STK36: variants seen among roughly 807,000 people sequenced by gnomAD.
The protein encoded by STK36 is serine/threonine-protein kinase 36.
In STK36, 116 loss-of-function variants were observed where a neutral mutation model predicts 142.2. The observed-to-expected ratio is 0.82, with a 90% CI of 0.70 to 0.95. STK36 has a LOEUF of 0.95. STK36 is among the 40% of genes least tolerant of loss of function. The probability of loss-of-function intolerance (pLI) is 0.00; values close to 1 mark genes in which losing one functional copy is unlikely to be tolerated. For missense variants in STK36, 1,422 were observed against 1,617.2 expected (o/e 0.88, Z 2.07); for synonymous variants, 619 against 641.7 (o/e 0.96, Z 0.53).
Position 218,676,209 on chromosome 2 carries a change from C to T in STK36, c.615C>T (p.Ile205=), listed in dbSNP as rs944622003. ...CCCCTCCCTTCTATGCTACAAGCATCTTTCAGCTGGTCAGCCTCATTCTCA... is the reference window on the plus strand; with the variant it reads ...CCCCTCCCTTCTATGCTACAAGCATTTTTCAGCTGGTCAGCCTCATTCTCA... The part of the protein sequence containing the change: ...VGTPPFYATS[I]FQLVSLILKD... The change falls in exon 6 of 27, where the codon ATC becomes ATT. Residue 205 remains isoleucine, a synonymous_variant. Transcript: ENST00000295709. 5.0e-6 allele frequency: 8 copies of T among 1,614,046 alleles called. No individual in the cohort carries two copies. The highest frequency in any genetic ancestry group is 1.3e-5 in the African/African-American group (1 of 74,938).
chr2:218,682,480 A>C (rs1261235407), intron 10 of STK36, among the ~76,000 whole-genome samples: 2 of 152,232 alleles, frequency 1.3e-5, no homozygotes, highest in Non-Finnish European at 2.9e-5. Context: ...ATAATAGATT[A>C]ATTAAACTAA....
intron 14 of STK36, 37 bp downstream of exon 14, chr2:218,690,592 A>G (rs773647167): frequency 1.2e-4 from 187 of 1,511,428 alleles, no homozygotes; most frequent in Non-Finnish European, 1.6e-4. Flanking sequence ...TGTGTCTCCT[A>G]TCATTCTCCG....
chr2:218,686,361 G>A (rs1460384786), intron 11 of STK36, among the ~76,000 whole-genome samples: 1 of 152,120 alleles, frequency 6.6e-6, no homozygotes, highest in African/African-American at 2.4e-5. Context: ...TGGTTCAAGG[G>A]ATTCTCATGT....
At chr2:218,672,452 G>T in intron 1 of STK36, 1 of 291,590 alleles carries the variant, frequency 3.4e-6, no homozygotes. Context: ...CAGGAACTTG[G>T]GGGAGACTCA....
intron 2 of STK36, 194 bp downstream of exon 2, chr2:218,673,107 A>G (rs915293654): frequency 4.1e-5 from 22 of 534,438 alleles, no homozygotes; most frequent in African/African-American, 3.8e-5. Context: ...TTCTAGCCCT[A>G]GAATTATGGA....
At chr2:218,692,474 C>G in intron 15 of STK36, 109 bp from the exon 16 acceptor site, 1 of 1,509,288 alleles carries the variant, frequency 6.6e-7, no homozygotes, top group Non-Finnish European at 8.9e-7. Context: ...CTGCATTCTT[C>G]CCACTCCCTT....
At position 218,702,093 on chromosome 2, in the gene STK36, G is replaced by A; in HGVS notation, c.*84G>A. Reference sequence around the variant, plus strand: ...ACACAAGCCGCCAACTCAACTGAGAGCTAAAGAGACTAGAAAAGAGATAAG... The same window carrying A: ...ACACAAGCCGCCAACTCAACTGAGAACTAAAGAGACTAGAAAAGAGATAAG... On this transcript the variant is annotated 3_prime_UTR_variant, in exon 27 of 27. Coordinates refer to ENST00000295709, the MANE Select transcript of STK36 (RefSeq NM_015690.5). 6.6e-7 allele frequency: 1 copy of A among 1,520,108 alleles called. No homozygotes were observed. Among genetic ancestry groups the A allele is most frequent in the East Asian group, 2.3e-5 (1 of 43,866 alleles). 94.2% of individuals were successfully genotyped at this position (1,520,108 alleles called of 1,614,324 possible).
At chr2:218,689,028 G>A (rs1940891645) in intron 12 of STK36, 152 bp downstream of exon 12, 1 of 762,270 alleles carries the variant, frequency 1.3e-6, no homozygotes, top group Non-Finnish European at 2.0e-6. Context: ...AAACTCTAAT[G>A]CCTTCTGGGG....
chr2:218,689,999 C>T, intron 13 of STK36, 43 bp downstream of exon 13: 2 of 1,523,416 alleles, frequency 1.3e-6, no homozygotes, highest in East Asian at 2.4e-5. Flanking sequence ...AGTTTGGCTT[C>T]TGTTTCTACC....
intron 6 of STK36, among the ~76,000 whole-genome samples, chr2:218,678,246 A>G (rs1339205114): frequency 6.6e-6 from 1 of 152,130 alleles, no homozygotes; most frequent in Non-Finnish European, 1.5e-5. Flanking sequence ...CACTGCACCC[A>G]ACCTTCTTTT....
chr2:218,691,839 G>T (rs1047289971), intron 14 of STK36, among the ~76,000 whole-genome samples: 6 of 152,244 alleles, frequency 3.9e-5, no homozygotes, highest in Middle Eastern at 3.4e-3. Context: ...GGGATTACAG[G>T]CATGAGCCAT....
At position 218,702,031 on chromosome 2, in the gene STK36, C is replaced by G; in HGVS notation, c.*22C>G. The G allele has an allele frequency of 1.2e-6, 2 of 1,611,792 alleles. No individual in the cohort carries two copies. Among genetic ancestry groups the G allele is most frequent in the Non-Finnish European group, 1.7e-6 (2 of 1,178,718 alleles). On this transcript the variant is annotated 3_prime_UTR_variant, in exon 27 of 27. Transcript: ENST00000295709. ...GTGATTCCAGATTCCTGCGGTCCAG[C>G]CTCCAACTTTGGTTGCCAGCTCTTT...
At position 218,697,815 on chromosome 2, in the gene STK36, G is replaced by T. The variant is rs761719142; in HGVS notation, c.2910-39G>T. 39 of 1,613,776 alleles carry T rather than the reference G, an allele frequency of 2.4e-5. No homozygotes were observed. The South Asian group carries it at 4.2e-4, about 17-fold the overall frequency. ...GGGAGGGAGGAATGATAAAGGTTAA[G>T]TGAACAAGACCAAGTCTCTTCGACA... On this transcript the variant is annotated intron_variant, in intron 24 of 26. Transcript: ENST00000295709.
chr2:218,681,183 A>G (rs1263541600), intron 10 of STK36, among the ~76,000 whole-genome samples: 1 of 148,344 alleles, frequency 6.7e-6, no homozygotes, highest in African/African-American at 2.5e-5. Context: ...GCTGGATTGC[A>G]GTGGTGCAAT....
chr2:218,676,087 C>T lies in STK36; in HGVS notation c.493C>T (p.Leu165Phe), dbSNP rs1940229544. 6.2e-7 allele frequency: 1 copy of T among 1,614,188 alleles called. No homozygotes were observed. The highest frequency in any genetic ancestry group is 1.3e-5 in the African/African-American group (1 of 75,056). The change falls in exon 6 of 27, where the codon CTC becomes TTC. Residue 165 changes from leucine to phenylalanine, a missense_variant. Leu to Phe is a conservative substitution (Grantham distance 22). This residue lies in a region of STK36 where 460 missense variants were observed against 449.6 expected (regional missense o/e 1.02). Coordinates refer to ENST00000295709, the MANE Select transcript of STK36 (RefSeq NM_015690.5). ...MVLTSIKGTPLYMSPELVEER... is the reference protein window; with the variant it reads ...MVLTSIKGTPFYMSPELVEER... ...GCTGACATCCATCAAAGGCACACCA[C>T]TCTATATGTCTCCAGAGCTGGTGGA...
In STK36 at chr2:218,688,788, C is replaced by T. The variant is rs1940880254; in HGVS notation, c.1472C>T (p.Ala491Val). Residue 491 changes from alanine (A) to valine (V), a missense_variant, in exon 12 of 27, where the codon GCC (alanine) becomes GTC (valine). Around this residue, in one of 2 missense-constraint regions of STK36, gnomAD observed 962 missense variants for 1,167.5 expected, o/e 0.82. Coordinates refer to ENST00000295709, the MANE Select transcript of STK36 (RefSeq NM_015690.5). ...SLLSSCSDSV[A>V]LYSFCREAGL... ...CTCTCCAGCTGCAGTGATTCTGTTG[C>T]CTTGTATTCCTTCTGCCGGGAGGCA... is the stretch of plus-strand genomic sequence containing the variant. 1.9e-6 allele frequency: 3 copies of T among 1,614,044 alleles called. No individual in the cohort carries two copies. The highest frequency in any genetic ancestry group is 3.3e-5 in the Admixed American group (2 of 60,008).
Position 218,693,926 on chromosome 2 carries a change from A to G in STK36, c.2279A>G (p.Glu760Gly), listed in dbSNP as rs955044056. 1 of 1,614,244 alleles carries G rather than the reference A, an allele frequency of 6.2e-7. No homozygotes were observed. Among genetic ancestry groups the G allele is most frequent in the South Asian group, 1.1e-5 (1 of 91,080 alleles). ...GTAGTAGATTGGGAAGAGTCTACTGAAGTGACACTCTACTTCCTCTCCCTT... is the reference window on the plus strand; with the variant it reads ...GTAGTAGATTGGGAAGAGTCTACTGGAGTGACACTCTACTTCCTCTCCCTT... ...VKVVDWEEST[E>G]VTLYFLSLLV... The change falls in exon 19 of 27, where the codon GAA becomes GGA. Residue 760 changes from glutamate (E) to glycine (G), a missense_variant. Around this residue, in one of 2 missense-constraint regions of STK36, gnomAD observed 962 missense variants for 1,167.5 expected, o/e 0.82. Transcript: ENST00000295709.
intron 10 of STK36, among the ~76,000 whole-genome samples, chr2:218,682,899 C>T (rs1658445334): frequency 6.6e-6 from 1 of 152,076 alleles, no homozygotes; most frequent in Non-Finnish European, 1.5e-5. Flanking sequence ...CCACACATTG[C>T]ATTTAGTTGT....
intron 10 of STK36, among the ~76,000 whole-genome samples, chr2:218,682,384 G>C (rs59621534): frequency 6.6e-6 from 1 of 151,986 alleles, no homozygotes; most frequent in Non-Finnish European, 1.5e-5. Flanking sequence ...ATACTTTAGC[G>C]CATATTTCCT....
Sources: allele counts gnomAD v4.1 joint callset (sites outside exome capture counted in the v4.1 genomes callset), GRCh38; gene constraint gnomAD v4.1.1; regional missense constraint gnomAD v4.1.1; transcripts MANE v1.5; gene names NCBI Gene and HGNC (gene_info 2026-07-23, HGNC 2026-07-21).